Variants in AFF3 observed in about 807,000 individuals in gnomAD.
The protein encoded by AFF3 is ALF transcription elongation factor 3, also known as AF4/FMR2 family member 3.
AFF3 carries 32 observed loss-of-function variants against 129.7 expected under a neutral mutation model. That is an observed-to-expected ratio of 0.25 (90% CI 0.19 to 0.33). AFF3 has a LOEUF of 0.33. Among genes scored for constraint, AFF3 ranks in the 10% least tolerant of loss-of-function variants. AFF3 has a pLI of 1.00. For synonymous variants in AFF3, 644 were observed against 635.4 expected (o/e 1.01, Z -0.20); for missense variants, 1,373 against 1,592.0 (o/e 0.86, Z 2.34).
At chr2:99,900,890 AG>A (rs1694298367) in intron 7 of AFF3, among the ~76,000 whole-genome samples, 1 of 152,330 alleles carries the variant, frequency 6.6e-6, no homozygotes, top group African/African-American at 2.4e-5. Flanking sequence ...CCGTGACGGC[AG>A]GTTGCTAGAA....
At chr2:99,951,442 T>C (rs1289061419) in intron 7 of AFF3, among the ~76,000 whole-genome samples, 1 of 152,164 alleles carries the variant, frequency 6.6e-6, no homozygotes, top group African/African-American at 2.4e-5. Flanking sequence ...TGAAATCCCG[T>C]ATTTTTGTAA....
chr2:100,011,226 A>G (rs1172303515), intron 4 of AFF3, among the ~76,000 whole-genome samples: 2 of 152,164 alleles, frequency 1.3e-5, no homozygotes, highest in Non-Finnish European at 2.9e-5. Context: ...GTGAGCCGAG[A>G]TTGCGCCACT....
Position 99,550,478 on chromosome 2 carries a change from A to G in AFF3, c.*996T>C. ...TCCTACTGAAGGGACAATCTAGGTAATGGCCTCATTTAGCCAAGAAAATCT... is the reference window on the plus strand; with the variant it reads ...TCCTACTGAAGGGACAATCTAGGTAGTGGCCTCATTTAGCCAAGAAAATCT... On this transcript the variant is annotated 3_prime_UTR_variant, in exon 25 of 25. Coordinates refer to ENST00000672756, the MANE Select transcript of AFF3 (RefSeq NM_001386135.1). The G allele has an allele frequency of 4.3e-6, 1 of 231,232 alleles. No homozygotes were observed. Among genetic ancestry groups the G allele is most frequent in the Non-Finnish European group, 8.6e-6 (1 of 116,744 alleles). The allele number at this position is 231,232 out of a possible 1,614,324, so 14.3% of individuals were successfully genotyped here.
intron 2 of AFF3, among the ~76,000 whole-genome samples, chr2:100,119,297 T>TA (rs1432285459): frequency 6.6e-6 from 1 of 152,194 alleles, no homozygotes; most frequent in Non-Finnish European, 1.5e-5. Context: ...GCTTTGTTGT[T>TA]ACAGCCCTAC....
rs1319622671 is a variant in AFF3 at position 99,554,464 on chromosome 2, G to A, written c.3406C>T (p.Leu1136Phe). 1 of 1,614,070 alleles carries A rather than the reference G, an allele frequency of 6.2e-7. No individual in the cohort carries two copies. The highest frequency in any genetic ancestry group is 8.5e-7 in the Non-Finnish European group (1 of 1,180,036). ...PASSVGSQGS[L>F]SNASALSPST... is the part of the protein sequence containing the mutation. ...GGGGACAGGGCGCTGGCGTTGGAGA[G>A]GCTGCCCTGAGACCCCACGGAGCTG... The change falls in exon 24 of 25, where the codon CTC (leucine) becomes TTC (phenylalanine). Residue 1136 changes from leucine (L) to phenylalanine (F), a missense_variant. By Grantham distance (22) the Leu-to-Phe change is conservative. Coordinates refer to ENST00000672756, the MANE Select transcript of AFF3 (RefSeq NM_001386135.1).
chr2:100,029,707 G>A (rs1216174444), intron 4 of AFF3, among the ~76,000 whole-genome samples: 2 of 152,180 alleles, frequency 1.3e-5, no homozygotes, highest in African/African-American at 4.8e-5. Context: ...TTTCAGTTTT[G>A]CAAAATGAAG....
chr2:99,981,928 T>A (rs1239368146), intron 7 of AFF3, among the ~76,000 whole-genome samples: 1 of 152,186 alleles, frequency 6.6e-6, no homozygotes, highest in Non-Finnish European at 1.5e-5. Flanking sequence ...GAGTCTTTTT[T>A]AAAAAAGAGA....
intron 11 of AFF3, among the ~76,000 whole-genome samples, chr2:99,685,812 TA>T: frequency 1.3e-5 from 2 of 152,308 alleles, no homozygotes; most frequent in Admixed American, 1.3e-4. Context: ...TCTATTTAGT[TA>T]CTATCCTGGA....
chr2:100,054,398 G>A (rs755131808), intron 4 of AFF3, among the ~76,000 whole-genome samples: 47 of 152,338 alleles, frequency 3.1e-4, no homozygotes, highest in South Asian at 8.3e-4. Flanking sequence ...GTAGGCCCCA[G>A]ACAATTGGCT....
intron 13 of AFF3, among the ~76,000 whole-genome samples, chr2:99,619,917 C>T (rs1681824776): frequency 6.6e-6 from 1 of 152,218 alleles, no homozygotes; most frequent in Non-Finnish European, 1.5e-5. Context: ...GGCCAATTAA[C>T]AGTCACCCCT....
At chr2:99,730,619 A>G (rs537830701) in intron 10 of AFF3, among the ~76,000 whole-genome samples, 10 of 150,002 alleles carry the variant, frequency 6.7e-5, no homozygotes, top group Non-Finnish European at 1.2e-4. Flanking sequence ...GTTCAAAGCG[A>G]TTCTCCTGCC....
chr2:99,683,391 C>A (rs1674715520), intron 11 of AFF3, among the ~76,000 whole-genome samples: 1 of 152,136 alleles, frequency 6.6e-6, no homozygotes, highest in Non-Finnish European at 1.5e-5. Flanking sequence ...AATTTTATTA[C>A]CCATTCCATC....
chr2:99,911,471 G>A (rs367980555), intron 7 of AFF3, among the ~76,000 whole-genome samples: 1 of 152,054 alleles, frequency 6.6e-6, no homozygotes, highest in East Asian at 1.9e-4. Flanking sequence ...GGCTGCTGTC[G>A]CAGGTTCTGA....
chr2:99,622,397 T>C (rs1365397498), intron 13 of AFF3, among the ~76,000 whole-genome samples: 1 of 152,148 alleles, frequency 6.6e-6, no homozygotes, highest in Non-Finnish European at 1.5e-5. Flanking sequence ...TTTGTTTCTT[T>C]AAGGTTTGCT....
chr2:99,999,485 G>A (rs1426546875), intron 7 of AFF3, among the ~76,000 whole-genome samples: 2 of 152,092 alleles, frequency 1.3e-5, no homozygotes, highest in Non-Finnish European at 2.9e-5. Context: ...CATGAAAATG[G>A]GACAAAATAA....
intron 11 of AFF3, among the ~76,000 whole-genome samples, chr2:99,686,743 C>A (rs1575693990): frequency 6.6e-6 from 1 of 152,194 alleles, no homozygotes; most frequent in Non-Finnish European, 1.5e-5. Context: ...TATTGCATGG[C>A]AAATATAGAC....
intron 2 of AFF3, among the ~76,000 whole-genome samples, chr2:100,117,286 GTCTT>G (rs1268370647): frequency 8.5e-5 from 13 of 152,198 alleles, no homozygotes; most frequent in African/African-American, 2.9e-4. Context: ...ATTTTTAGCT[GTCTT>G]TCTATCTTTT....
intron 7 of AFF3, among the ~76,000 whole-genome samples, chr2:99,863,296 C>A (rs776646556): frequency 2.0e-5 from 3 of 152,074 alleles, no homozygotes; most frequent in Non-Finnish European, 4.4e-5. Context: ...AAAAGTAATG[C>A]TTTTGGGCAA....
chr2:99,943,071 T>C (rs1257118450), intron 7 of AFF3, among the ~76,000 whole-genome samples: 1 of 152,078 alleles, frequency 6.6e-6, no homozygotes, highest in African/African-American at 2.4e-5. Context: ...TCAATGGCCA[T>C]ACGAAAGCTC....
Sources: gnomAD v4.1 joint callset for allele counts (sites outside exome capture counted in the v4.1 genomes callset) on GRCh38, gnomAD v4.1.1 for gene constraint, MANE v1.5 for transcripts, NCBI Gene and HGNC (gene_info 2026-07-23, HGNC 2026-07-21) for gene names.